The following MYLK variants were observed in gnomAD, a reference collection of about 807,000 sequenced individuals.
MYLK encodes the protein myosin light chain kinase, smooth muscle.
In MYLK, 106 loss-of-function variants were observed where a neutral mutation model predicts 203.4. That is an observed-to-expected ratio of 0.52 (90% CI 0.45 to 0.61). The LOEUF is 0.61. Among genes scored for constraint, MYLK ranks in the 20% least tolerant of loss-of-function variants. MYLK has a pLI of 0.00. For missense variants in MYLK, 2,072 were observed against 2,442.3 expected (o/e 0.85, Z 3.20); for synonymous variants, 867 against 959.5 (o/e 0.90, Z 1.78).
At chr3:123,724,069 A>C (rs1477431599) in intron 12 of MYLK, among the ~76,000 whole-genome samples, 1 of 151,344 alleles carries the variant, frequency 6.6e-6, no homozygotes, top group African/African-American at 2.4e-5. Context: ...ACTTTTTGAG[A>C]CAGGGTCTCA....
chr3:123,710,952 T>C (rs1337129297), intron 13 of MYLK, among the ~76,000 whole-genome samples: 1 of 152,044 alleles, frequency 6.6e-6, no homozygotes, highest in African/African-American at 2.4e-5. Flanking sequence ...TTATGTTGAA[T>C]GAAAGACACC....
chr3:123,791,677 A>G (rs902235459), intron 4 of MYLK, among the ~76,000 whole-genome samples: 2 of 152,230 alleles, frequency 1.3e-5, no homozygotes, highest in African/African-American at 2.4e-5. Context: ...TAAGGAACAC[A>G]TGCATTTTGA....
chr3:123,843,487 A>G (rs2066642822), intron 2 of MYLK, among the ~76,000 whole-genome samples: 1 of 152,158 alleles, frequency 6.6e-6, no homozygotes. Flanking sequence ...TCATGTTCTA[A>G]TAGGAATAAA....
chr3:123,686,920 T>C (rs561004365), intron 19 of MYLK, among the ~76,000 whole-genome samples: 2 of 152,328 alleles, frequency 1.3e-5, no homozygotes, highest in Admixed American at 6.5e-5. Flanking sequence ...TTGTCTGTGA[T>C]GATTTAAAGA....
chr3:123,707,627 C>T, intron 16 of MYLK, 127 bp downstream of exon 16: 1 of 1,459,908 alleles, frequency 6.8e-7, no homozygotes, highest in Non-Finnish European at 9.6e-7. Flanking sequence ...TGAGCCCGCA[C>T]TTGCTTTACC....
chr3:123,713,428 C>T (rs543273365), intron 13 of MYLK, among the ~76,000 whole-genome samples: 4 of 152,070 alleles, frequency 2.6e-5, no homozygotes, highest in Non-Finnish European at 5.9e-5. Context: ...GTTACGTAGG[C>T]GTCCCTTCAA....
Position 123,733,925 on chromosome 3 carries a change from T to A in MYLK, c.1071A>T (p.Arg357Ser), listed in dbSNP as rs781464628. Residue 357 changes from arginine (R) to serine (S), a missense_variant, in exon 10 of 34, where the codon AGA (arginine) becomes AGT (serine). Coordinates refer to ENST00000360304, the MANE Select transcript of MYLK (RefSeq NM_053025.4). ...LQAARVQPEPRAPGLGVLSPS... is the reference protein window; with the variant it reads ...LQAARVQPEPSAPGLGVLSPS... ...GTGATAGGACCCCCAGGCCTGGTGCTCTTGGTTCCGGCTGAACTCTTGCGG... is the reference window on the plus strand; with the variant it reads ...GTGATAGGACCCCCAGGCCTGGTGCACTTGGTTCCGGCTGAACTCTTGCGG... The A allele has an allele frequency of 6.2e-7, 1 of 1,614,196 alleles. No homozygotes were observed. The highest frequency in any genetic ancestry group is 8.5e-7 in the Non-Finnish European group (1 of 1,180,032).
At chr3:123,713,686 C>T (rs1467368049) in intron 13 of MYLK, among the ~76,000 whole-genome samples, 2 of 144,070 alleles carry the variant, frequency 1.4e-5, no homozygotes, top group African/African-American at 5.3e-5. Context: ...TGGCCTCTAG[C>T]CTCTATCAGT....
intron 19 of MYLK, among the ~76,000 whole-genome samples, chr3:123,690,728 C>T (rs748689389): frequency 2.0e-5 from 3 of 152,116 alleles, no homozygotes; most frequent in Non-Finnish European, 4.4e-5. Context: ...TCAACAAAAC[C>T]AAACCCAATG....
intron 2 of MYLK, among the ~76,000 whole-genome samples, chr3:123,863,494 A>G (rs538585305): frequency 6.6e-6 from 1 of 152,178 alleles, no homozygotes; most frequent in Non-Finnish European, 1.5e-5. Flanking sequence ...AGAATAAAAA[A>G]TTCCTACAAC....
chr3:123,873,852 A>T (rs910226284), intron 2 of MYLK, among the ~76,000 whole-genome samples: 3 of 152,148 alleles, frequency 2.0e-5, no homozygotes, highest in Non-Finnish European at 4.4e-5. Flanking sequence ...GTAGTTATAA[A>T]TACTAGCAAT....
intron 5 of MYLK, among the ~76,000 whole-genome samples, chr3:123,751,882 G>A (rs997452849): frequency 6.6e-6 from 1 of 152,076 alleles, no homozygotes; most frequent in Admixed American, 6.6e-5. Context: ...CTGAGGGAAG[G>A]GCTCTTCTTT....
intron 2 of MYLK, among the ~76,000 whole-genome samples, chr3:123,874,286 T>C (rs1330925952): frequency 6.6e-6 from 1 of 152,106 alleles, no homozygotes; most frequent in Non-Finnish European, 1.5e-5. Flanking sequence ...TGTGGTATTG[T>C]TGAAAGAATA....
chr3:123,810,146 G>A (rs1032224603), intron 3 of MYLK, among the ~76,000 whole-genome samples: 7 of 152,144 alleles, frequency 4.6e-5, no homozygotes, highest in African/African-American at 9.7e-5. Context: ...CACAATACCC[G>A]CTAGGACTAT....
rs820329 is a variant in MYLK, at chr3:123,725,938, A to C, written c.1651+6T>G. 11 of 1,613,132 alleles carry C rather than the reference A, an allele frequency of 6.8e-6. No homozygotes were observed. Among genetic ancestry groups the C allele is most frequent in the Non-Finnish European group, 9.3e-6 (11 of 1,179,408 alleles). On this transcript the variant is annotated splice_donor_region_variant and intron_variant, in intron 12 of 33. Transcript: ENST00000360304. ...GGAGCAGAGAGCTGGGGCAGGGGGA[A>C]CTCACCATTCAGCAGCCAAGTGATC...
In MYLK at chr3:123,629,091, A is replaced by G. The variant is rs1001275578; in HGVS notation, c.5114+383T>C. ...GTGTCCTCTGCTCTTGCTTGTTGAG[A>G]GGGTCCTTCCCCTGCAGCCCCTGAA... On this transcript the variant is annotated intron_variant, in intron 30 of 33. Coordinates refer to ENST00000360304, the MANE Select transcript of MYLK (RefSeq NM_053025.4). This position sits in a 1 kb window ranked among gnomAD's most constrained non-coding sequence, Gnocchi z 4.4. Among the ~76,000 whole-genome samples the G allele has an allele frequency of 3.3e-5, 5 of 152,228 alleles. No individual in the cohort carries two copies. The highest frequency in any genetic ancestry group is 2.0e-4 in the Admixed American group (3 of 15,294).
At chr3:123,784,475 CTT>C (rs1274248122) in intron 4 of MYLK, among the ~76,000 whole-genome samples, 1 of 135,750 alleles carries the variant, frequency 7.4e-6, no homozygotes, top group East Asian at 2.3e-4. Flanking sequence ...GGTGGAATCT[CTT>C]TACTTCCCAC....
intron 4 of MYLK, among the ~76,000 whole-genome samples, chr3:123,764,082 C>G (rs529528228): frequency 2.0e-5 from 3 of 152,260 alleles, no homozygotes; most frequent in African/African-American, 7.2e-5. Context: ...TTCAAAAAAC[C>G]CTTTTTCAGT....
intron 20 of MYLK, among the ~76,000 whole-genome samples, chr3:123,680,423 T>C (rs1048499078): frequency 6.6e-6 from 1 of 152,154 alleles, no homozygotes; most frequent in Non-Finnish European, 1.5e-5. Context: ...TCCTACATTC[T>C]CTATCTCTTC....
Sources: gnomAD v4.1 joint callset for allele counts (sites outside exome capture counted in the v4.1 genomes callset) on GRCh38, gnomAD v4.1.1 for gene constraint, Gnocchi (gnomAD v3.1) non-coding constraint, MANE v1.5 for transcripts, NCBI Gene and HGNC (gene_info 2026-07-23, HGNC 2026-07-21) for gene names.